ANTXR1: variants seen among roughly 807,000 people sequenced by gnomAD.
ANTXR1 encodes the protein ANTXR cell adhesion molecule 1, also known as anthrax toxin receptor 1.
A neutral mutation model predicts 78.1 loss-of-function variants in ANTXR1; 19 were observed. That is an observed-to-expected ratio of 0.24 (90% confidence interval 0.17 to 0.36). ANTXR1 has a LOEUF of 0.36. ANTXR1 is among the 10% of genes least tolerant of loss of function. The probability of loss-of-function intolerance (pLI) is 1.00; values close to 1 mark genes in which losing one functional copy is unlikely to be tolerated. For synonymous variants in ANTXR1, 273 were observed against 260.5 expected, an observed-to-expected ratio of 1.05 and a Z score of -0.46; for missense variants, 518 against 718.6, an observed-to-expected ratio of 0.72 and a Z score of 3.19.
At chr2:69,104,018 A>G (rs1558550768) in intron 10 of ANTXR1, among the ~76,000 whole-genome samples, 1 of 149,144 alleles carries the variant, frequency 6.7e-6, no homozygotes, top group Admixed American at 6.7e-5. Context: ...AGCTCACTGC[A>G]ACCTCCGCCT....
intron 17 of ANTXR1, among the ~76,000 whole-genome samples, chr2:69,242,654 C>T (rs988315989): frequency 6.6e-6 from 1 of 152,214 alleles, no homozygotes; most frequent in Non-Finnish European, 1.5e-5. Flanking sequence ...CTTCATCTTT[C>T]AAGGACATGA....
At chr2:69,154,754 C>T (rs1475735695) in intron 13 of ANTXR1, among the ~76,000 whole-genome samples, 2 of 152,200 alleles carry the variant, frequency 1.3e-5, no homozygotes, top group Non-Finnish European at 2.9e-5. Context: ...TACGTGTCTG[C>T]CGTGTGCCTT....
chr2:69,242,593 G>A (rs2104533793), intron 17 of ANTXR1, among the ~76,000 whole-genome samples: 1 of 152,318 alleles, frequency 6.6e-6, no homozygotes, highest in African/African-American at 2.4e-5. Flanking sequence ...GAAGCCAGAT[G>A]AGCACTCAAC....
chr2:69,063,212 T>C (rs933637260), intron 3 of ANTXR1, among the ~76,000 whole-genome samples: 11 of 151,784 alleles, frequency 7.2e-5, no homozygotes, highest in African/African-American at 2.7e-4. Context: ...GCAGGACAAA[T>C]GCAAAGAAAG....
At chr2:69,206,044 T>C (rs1020357871) in intron 17 of ANTXR1, among the ~76,000 whole-genome samples, 2 of 152,226 alleles carry the variant, frequency 1.3e-5, no homozygotes, top group African/African-American at 4.8e-5. Context: ...CTGATACCAT[T>C]GAGAGCAGTG....
At position 69,016,989 on chromosome 2, in the gene ANTXR1, T is replaced by A. The variant is rs570807714; in HGVS notation, c.152+3338T>A. On this transcript the variant is annotated intron_variant, in intron 1 of 17. Transcript: ENST00000303714. The stretch of plus-strand genomic sequence containing the variant: ...CCCAAAAATGCTCCAGGAAAAGAAA[T>A]GGTGGGGAGACCTTTACAGACATTC... Among the ~76,000 whole-genome samples the A allele has an allele frequency of 1.4e-4, 22 of 152,298 alleles. 1 individual carries two copies. In the South Asian group the frequency reaches 4.4e-3, roughly 30 times the overall value.
At position 69,078,504 on chromosome 2, in the gene ANTXR1, G is replaced by C. The variant is rs547771576; in HGVS notation, c.642+1016G>C. ...AACCCAGGAAAATTCCAGCATGGCTGTGCCTCCATGCTGCTCTCCCTTCAG... is the reference window on the plus strand; with the variant it reads ...AACCCAGGAAAATTCCAGCATGGCTCTGCCTCCATGCTGCTCTCCCTTCAG... On this transcript the variant is annotated intron_variant, in intron 8 of 17. Coordinates refer to ENST00000303714, the MANE Select transcript of ANTXR1 (RefSeq NM_032208.3). Among the ~76,000 whole-genome samples the C allele has an allele frequency of 3.9e-5, 6 of 152,318 alleles. No homozygotes were observed. The South Asian group carries it at 1.2e-3, about 32-fold the overall frequency.
At chr2:69,189,382 G>A (rs569170328) in intron 16 of ANTXR1, among the ~76,000 whole-genome samples, 1 of 152,328 alleles carries the variant, frequency 6.6e-6, no homozygotes, top group South Asian at 2.1e-4. Context: ...TAGACACCCA[G>A]ATCAGTAGAA....
chr2:69,245,872 G>C lies in ANTXR1; in HGVS notation c.*387G>C. 4.9e-6 allele frequency: 1 copy of C among 205,500 alleles called. No homozygotes were observed. Among genetic ancestry groups the C allele is most frequent in the Non-Finnish European group, 9.9e-6 (1 of 100,822 alleles). The allele number at this position is 205,500 out of a possible 1,614,324, so 12.7% of individuals were successfully genotyped here. A position where few individuals can be genotyped will look rare whatever the true frequency, so the allele number is the denominator to read the frequency against. ...TGGGTTTCTAAAATGCTGCCTTCCT[G>C]CCTCTACTCCACCTCCATCCCTGGA... On this transcript the variant is annotated 3_prime_UTR_variant, in exon 18 of 18. Transcript: ENST00000303714.
intron 17 of ANTXR1, among the ~76,000 whole-genome samples, chr2:69,238,398 C>A (rs1359256949): frequency 6.6e-6 from 1 of 152,168 alleles, no homozygotes; most frequent in African/African-American, 2.4e-5. Context: ...GCACTTAAAA[C>A]CCATTTGTCA....
intron 17 of ANTXR1, among the ~76,000 whole-genome samples, chr2:69,236,641 A>G (rs1461283191): frequency 6.6e-6 from 1 of 152,248 alleles, no homozygotes; most frequent in Non-Finnish European, 1.5e-5. Context: ...ACCTCAAACA[A>G]TTTGTTCTAA....
chr2:69,114,774 A>C (rs1276833388), intron 10 of ANTXR1, among the ~76,000 whole-genome samples: 1 of 152,098 alleles, frequency 6.6e-6, no homozygotes, highest in Admixed American at 6.6e-5. Context: ...GAAAACCTGG[A>C]CCCATTCAAG....
intron 14 of ANTXR1, 106 bp from the exon 15 acceptor site, chr2:69,181,680 A>G (rs1226286557): frequency 3.7e-6 from 4 of 1,069,674 alleles, no homozygotes; most frequent in African/African-American, 1.6e-5. Flanking sequence ...GATTGCACCC[A>G]GGCAGTCTGA....
intron 16 of ANTXR1, among the ~76,000 whole-genome samples, chr2:69,185,815 C>T (rs1674403442): frequency 1.3e-5 from 2 of 152,112 alleles, no homozygotes; most frequent in Non-Finnish European, 1.5e-5. Context: ...ACTAAAAGGC[C>T]AGATGGAAAT....
At chr2:69,043,768 G>C (rs1166698041) in intron 2 of ANTXR1, among the ~76,000 whole-genome samples, 2 of 152,110 alleles carry the variant, frequency 1.3e-5, no homozygotes, top group African/African-American at 4.8e-5. Flanking sequence ...GAGTGAATTG[G>C]AGCAAAGAAC....
intron 14 of ANTXR1, among the ~76,000 whole-genome samples, chr2:69,178,362 C>T (rs1178619202): frequency 6.6e-6 from 1 of 152,242 alleles, no homozygotes; most frequent in Non-Finnish European, 1.5e-5. Flanking sequence ...GTTGTCTGAG[C>T]TTGGCAGGCC....
chr2:69,201,589 A>G (rs1280541183), intron 17 of ANTXR1, among the ~76,000 whole-genome samples: 1 of 152,228 alleles, frequency 6.6e-6, no homozygotes, highest in Admixed American at 6.5e-5. Flanking sequence ...GCAGTGAGAG[A>G]GGCTGGCACC....
At chr2:69,185,286 A>T (rs1674390004) in intron 16 of ANTXR1, among the ~76,000 whole-genome samples, 1 of 152,222 alleles carries the variant, frequency 6.6e-6, no homozygotes, top group Non-Finnish European at 1.5e-5. Context: ...CATGCCTGTA[A>T]TCCCAGCATT....
At chr2:69,122,913 T>C in intron 10 of ANTXR1, 104 bp from the exon 11 acceptor site, 1 of 1,292,908 alleles carries the variant, frequency 7.7e-7, no homozygotes, top group Non-Finnish European at 1.1e-6. Flanking sequence ...GATTTTTGTT[T>C]TTTTGGTATC....
Sources: gnomAD v4.1 joint callset for allele counts (sites outside exome capture counted in the v4.1 genomes callset) on GRCh38, gnomAD v4.1.1 for gene constraint, MANE v1.5 for transcripts, NCBI Gene and HGNC (gene_info 2026-07-23, HGNC 2026-07-21) for gene names.